Variants in MECOM observed in about 807,000 individuals in gnomAD.
MECOM encodes the protein MDS1 and EVI1 complex locus, also known as histone-lysine N-methyltransferase MECOM.
Under a neutral mutation model 116.3 loss-of-function variants are expected in MECOM, and 13 were observed. The observed-to-expected ratio is 0.11, with a 90% CI of 0.07 to 0.18. The LOEUF is 0.18. MECOM is among the 10% of genes least tolerant of loss of function. The probability of loss-of-function intolerance (pLI) is 1.00; values close to 1 mark genes in which losing one functional copy is unlikely to be tolerated. For synonymous variants in MECOM, 528 were observed against 535.2 expected (o/e 0.99, Z 0.19); for missense variants, 1,299 against 1,509.0 (o/e 0.86, Z 2.31).
chr3:169,199,546 T>C (rs1339021776), intron 2 of MECOM, among the ~76,000 whole-genome samples: 1 of 152,068 alleles, frequency 6.6e-6, no homozygotes, highest in Non-Finnish European at 1.5e-5. Context: ...CTTGAAGTGC[T>C]GGGATTACAG....
chr3:169,100,333 A>G (rs552076862), intron 12 of MECOM, among the ~76,000 whole-genome samples: 13 of 151,920 alleles, frequency 8.6e-5, no homozygotes, highest in Non-Finnish European at 1.5e-4. Context: ...TCCTGACCTC[A>G]AGGGATCCAC....
chr3:169,168,473 T>G (rs1254333372), intron 2 of MECOM, among the ~76,000 whole-genome samples: 1 of 152,102 alleles, frequency 6.6e-6, no homozygotes, highest in African/African-American at 2.4e-5. Context: ...CAATAAATTT[T>G]GCCAGTTTTT....
chr3:169,145,248 G>C, intron 2 of MECOM: 3 of 473,036 alleles, frequency 6.3e-6, no homozygotes, highest in Non-Finnish European at 1.1e-5. Flanking sequence ...AACGACAGAA[G>C]TGTACACTTA....
intron 1 of MECOM, among the ~76,000 whole-genome samples, chr3:169,499,690 G>A (rs1000491309): frequency 1.3e-5 from 2 of 151,984 alleles, no homozygotes; most frequent in Non-Finnish European, 2.9e-5. Context: ...TATATCTAAA[G>A]CATTATATGC....
chr3:169,086,939 A>C (rs553475363), intron 16 of MECOM, among the ~76,000 whole-genome samples: 3 of 152,372 alleles, frequency 2.0e-5, no homozygotes, highest in Admixed American at 6.5e-5. Flanking sequence ...TATAAGGATC[A>C]GTGCCCAGCA....
intron 2 of MECOM, among the ~76,000 whole-genome samples, chr3:169,156,803 A>G (rs1220736889): frequency 6.6e-6 from 1 of 152,202 alleles, no homozygotes; most frequent in South Asian, 2.1e-4. Context: ...GGCATTATCT[A>G]GATATGCATT....
chr3:169,579,064 G>C (rs554217922), intron 1 of MECOM, among the ~76,000 whole-genome samples: 20 of 152,150 alleles, frequency 1.3e-4, no homozygotes, highest in Admixed American at 7.2e-4. Context: ...AAGCCCTTTT[G>C]AGCTGCTCTG....
chr3:169,375,982 C>T (rs1179008239), intron 2 of MECOM, among the ~76,000 whole-genome samples: 1 of 151,978 alleles, frequency 6.6e-6, no homozygotes, highest in South Asian at 2.1e-4. Context: ...TTATCCACTA[C>T]GATCAAGTCG....
At chr3:169,243,152 T>C (rs958233567) in intron 2 of MECOM, among the ~76,000 whole-genome samples, 1 of 152,224 alleles carries the variant, frequency 6.6e-6, no homozygotes, top group African/African-American at 2.4e-5. Context: ...TACTAACATC[T>C]TCTTTTTGAA....
At chr3:169,375,455 A>C (rs1167150026) in intron 2 of MECOM, among the ~76,000 whole-genome samples, 1 of 152,118 alleles carries the variant, frequency 6.6e-6, no homozygotes, top group East Asian at 1.9e-4. Flanking sequence ...AGAAGAGAAG[A>C]GAGAAGAATC....
chr3:169,476,964 C>T (rs1750497915), intron 1 of MECOM: 1 of 150,456 alleles, frequency 6.6e-6, no homozygotes, highest in African/African-American at 2.5e-5. Flanking sequence ...CGGACTGTGC[C>T]AACAAACTAA....
intron 1 of MECOM, among the ~76,000 whole-genome samples, chr3:169,432,826 C>T (rs1173085829): frequency 1.3e-5 from 2 of 152,214 alleles, no homozygotes; most frequent in Non-Finnish European, 2.9e-5. Flanking sequence ...AGGTTAAAGG[C>T]TACAGTAGAT....
rs539890483 is a variant in MECOM at position 169,464,872 on chromosome 3, C to T, written c.38-83348G>A. 4.6e-5 allele frequency among the ~76,000 whole-genome samples: 7 copies of T among 152,046 alleles called. 1 individual carries two copies. Among genetic ancestry groups the T allele is most frequent in the South Asian group, 4.2e-4 (2 of 4,810 alleles). ...TCTTCTACTAAGAAATTAAATTAAA[C>T]ATTAAATAGTAAATTTTTAGTGTTT... is the stretch of plus-strand genomic sequence containing the variant. On this transcript the variant is annotated intron_variant, in intron 1 of 16. Transcript: ENST00000651503.
intron 2 of MECOM, among the ~76,000 whole-genome samples, chr3:169,335,047 C>T (rs1462899097): frequency 6.6e-6 from 1 of 152,176 alleles, no homozygotes; most frequent in African/African-American, 2.4e-5. Context: ...ATGGCCCCCA[C>T]TGGTTTATAC....
chr3:169,198,208 A>G (rs1415555896), intron 2 of MECOM, among the ~76,000 whole-genome samples: 1 of 152,002 alleles, frequency 6.6e-6, no homozygotes, highest in Non-Finnish European at 1.5e-5. Context: ...ACAGATAGAT[A>G]CCCTGTTTAT....
rs570948813 is a variant in MECOM, at chr3:169,412,987, C to A, written c.38-31463G>T. 4.6e-5 allele frequency among the ~76,000 whole-genome samples: 7 copies of A among 152,350 alleles called. No individual in the cohort carries two copies. In the East Asian group the frequency reaches 9.6e-4, roughly 21 times the overall value. ...ACACCAGTGACTTTAACAACCCCTG[C>A]ACTTTATTCAAATTGTTTTAGAAAA... On this transcript the variant is annotated intron_variant, in intron 1 of 16. Transcript: ENST00000651503.
At chr3:169,462,694 C>T (rs1747655280) in intron 1 of MECOM, among the ~76,000 whole-genome samples, 1 of 152,078 alleles carries the variant, frequency 6.6e-6, no homozygotes, top group Non-Finnish European at 1.5e-5. Flanking sequence ...TGGATAGGGG[C>T]TTGGGGTTTT....
chr3:169,319,836 A>G (rs907807062), intron 2 of MECOM, among the ~76,000 whole-genome samples: 6 of 152,240 alleles, frequency 3.9e-5, no homozygotes, highest in African/African-American at 9.6e-5. Context: ...CTGTGGACAC[A>G]TGGGTGATAG....
chr3:169,604,011 A>G (rs1054203583), intron 1 of MECOM, among the ~76,000 whole-genome samples: 1 of 152,192 alleles, frequency 6.6e-6, no homozygotes, highest in African/African-American at 2.4e-5. Context: ...CTTTAGGGAC[A>G]GTTTTTAAAG....
Sources: allele counts gnomAD v4.1 joint callset (sites outside exome capture counted in the v4.1 genomes callset), GRCh38; gene constraint gnomAD v4.1.1; transcripts MANE v1.5; gene names NCBI Gene and HGNC (gene_info 2026-07-23, HGNC 2026-07-21).